The following EIF4G3 variants were observed in gnomAD, a reference collection of about 807,000 sequenced individuals.
EIF4G3 encodes the protein eukaryotic translation initiation factor 4 gamma 3.
EIF4G3 carries 34 observed loss-of-function variants against 186.4 expected under a neutral mutation model. The ratio of observed to expected loss-of-function variants is 0.18; its 90% CI spans 0.14 to 0.24. The LOEUF is 0.24. EIF4G3 is among the 10% of genes least tolerant of loss of function. EIF4G3 has a pLI of 1.00. For missense variants in EIF4G3, 1,536 were observed against 1,948.5 expected, an observed-to-expected ratio of 0.79 and a Z score of 3.99; for synonymous variants, 673 against 679.5, an observed-to-expected ratio of 0.99 and a Z score of 0.15.
chr1:21,039,220 G>A (rs2093418963), intron 4 of EIF4G3, among the ~76,000 whole-genome samples: 1 of 152,330 alleles, frequency 6.6e-6, no homozygotes, highest in East Asian at 1.9e-4. Context: ...AACCAATGGT[G>A]CTAGAAAAAC....
intron 14 of EIF4G3, among the ~76,000 whole-genome samples, chr1:20,918,910 C>T (rs2094210945): frequency 1.3e-5 from 2 of 151,992 alleles, no homozygotes; most frequent in Admixed American, 1.3e-4. Flanking sequence ...GTTACTCATA[C>T]TCCTCTCACA....
At chr1:20,882,676 C>T (rs975423055) in intron 19 of EIF4G3, among the ~76,000 whole-genome samples, 15 of 151,588 alleles carry the variant, frequency 9.9e-5, no homozygotes, top group African/African-American at 3.6e-4. Context: ...GTATAGTGGT[C>T]CATGCCTATA....
At chr1:20,897,179 C>G (rs760444019) in intron 16 of EIF4G3, among the ~76,000 whole-genome samples, 7 of 152,174 alleles carry the variant, frequency 4.6e-5, no homozygotes, top group Non-Finnish European at 8.8e-5. Context: ...TCTTTCATCC[C>G]TTCTAAATAC....
In EIF4G3 at chr1:21,003,811, T is replaced by C. The variant is rs12069296; in HGVS notation, c.-66-1003A>G. 1.7e-3 allele frequency: 679 copies of C among 399,370 alleles called. 4 individuals are homozygous for C. The highest frequency in any genetic ancestry group is 0.013 in the African/African-American group (634 of 47,182). 24.7% of individuals were successfully genotyped at this position (399,370 alleles called of 1,614,324 possible). ...TCAAATTTGCCAATGTAAATTGCCT[T>C]ATCATGCCTCATCATCATGGTTAGA... On this transcript the variant is annotated intron_variant, in intron 4 of 36. Transcript: ENST00000602326.
At chr1:20,813,584 A>G (rs1388752486) in intron 34 of EIF4G3, among the ~76,000 whole-genome samples, 1 of 149,858 alleles carries the variant, frequency 6.7e-6, no homozygotes, top group Non-Finnish European at 1.5e-5. Context: ...AACAAAAAAC[A>G]GGCCAGGTGC....
intron 20 of EIF4G3, among the ~76,000 whole-genome samples, chr1:20,876,850 G>GC (rs1459976959): frequency 2.6e-5 from 4 of 151,954 alleles, no homozygotes; most frequent in Non-Finnish European, 5.9e-5. Flanking sequence ...TAAAAAAATA[G>GC]CCAGGCCTGG....
chr1:21,023,817 G>A (rs1330499133), intron 4 of EIF4G3, among the ~76,000 whole-genome samples: 9 of 143,498 alleles, frequency 6.3e-5, no homozygotes, highest in African/African-American at 1.6e-4. Context: ...AGTGAGGAGC[G>A]CCTCTTCCCG....
rs549126903 is a variant in EIF4G3 at position 20,893,523 on chromosome 1, G to A, written c.2247C>T (p.Gly749=). Residue 749 remains glycine (G), a synonymous_variant, in exon 18 of 37, where the codon GGC becomes GGT. Coordinates refer to ENST00000602326, the MANE Select transcript of EIF4G3 (RefSeq NM_001391906.1). Reference sequence around the variant, plus strand: ...GTAGGGAACTTGCACTTACAGGTACGCCTCTTCCACCAGGTGTCTGCCTTC... The same window carrying A: ...GTAGGGAACTTGCACTTACAGGTACACCTCTTCCACCAGGTGTCTGCCTTC... ...DFGRQTPGGR[G]VPLLNVGSRR... 91 of 1,597,952 alleles carry A rather than the reference G, an allele frequency of 5.7e-5. No individual in the cohort carries two copies. Among genetic ancestry groups the A allele is most frequent in the South Asian group, 5.2e-4 (47 of 89,612 alleles).
At chr1:21,002,052 A>T (rs1185756092) in intron 5 of EIF4G3, among the ~76,000 whole-genome samples, 1 of 152,232 alleles carries the variant, frequency 6.6e-6, no homozygotes, top group Non-Finnish European at 1.5e-5. Context: ...CGATGTTCTA[A>T]GGAATGGAGA....
chr1:21,139,580 T>C (rs914184337), intron 2 of EIF4G3, among the ~76,000 whole-genome samples: 4 of 152,364 alleles, frequency 2.6e-5, no homozygotes, highest in Admixed American at 1.3e-4. Flanking sequence ...TAATATCCTT[T>C]ATATTATATG....
chr1:20,928,380 A>G (rs1162484483), intron 14 of EIF4G3, among the ~76,000 whole-genome samples: 2 of 152,076 alleles, frequency 1.3e-5, no homozygotes, highest in Non-Finnish European at 2.9e-5. Context: ...CCTTATATAG[A>G]TGCTGGTGGC....
chr1:20,968,137 C>T (rs1218942085), intron 12 of EIF4G3, among the ~76,000 whole-genome samples: 1 of 151,624 alleles, frequency 6.6e-6, no homozygotes, highest in Admixed American at 6.6e-5. Flanking sequence ...TATCATTTAT[C>T]AAAATGCAAA....
intron 2 of EIF4G3, chr1:21,168,185 C>T (rs2097891848): frequency 2.9e-6 from 1 of 347,448 alleles, no homozygotes; most frequent in African/African-American, 2.2e-5. Flanking sequence ...GGGCAGATCA[C>T]TTGAGGTCAG....
chr1:20,906,744 C>A (rs1432241412), intron 14 of EIF4G3, among the ~76,000 whole-genome samples: 6 of 151,802 alleles, frequency 4.0e-5, no homozygotes, highest in Non-Finnish European at 8.8e-5. Context: ...AACAATAATT[C>A]AGAAAAAGAG....
intron 4 of EIF4G3, among the ~76,000 whole-genome samples, chr1:21,027,786 T>C (rs2092324463): frequency 6.6e-6 from 1 of 152,214 alleles, no homozygotes. Flanking sequence ...CACTTCCAAG[T>C]ATCCACTCTA....
At chr1:20,867,364 T>G (rs2077795144) in intron 20 of EIF4G3, among the ~76,000 whole-genome samples, 1 of 152,210 alleles carries the variant, frequency 6.6e-6, no homozygotes, top group Non-Finnish European at 1.5e-5. Context: ...CCTCAGCCCC[T>G]ACACCTGCAG....
intron 2 of EIF4G3, chr1:21,111,342 C>T (rs771413705): frequency 1.3e-5 from 6 of 471,320 alleles, no homozygotes; most frequent in South Asian, 7.7e-5. Context: ...ATGATGTGAT[C>T]GCTCCAAACT....
chr1:21,087,854 C>T (rs1482155045), intron 3 of EIF4G3, among the ~76,000 whole-genome samples: 4 of 152,028 alleles, frequency 2.6e-5, no homozygotes, highest in South Asian at 2.1e-4. Context: ...AGGATGGTCT[C>T]GATCTCCTGA....
At chr1:20,995,636 T>C (rs1464756452) in intron 7 of EIF4G3, among the ~76,000 whole-genome samples, 1 of 152,170 alleles carries the variant, frequency 6.6e-6, no homozygotes. Flanking sequence ...CCTCCCAAAG[T>C]GTTGGGATTA....
Sources: allele counts gnomAD v4.1 joint callset (sites outside exome capture counted in the v4.1 genomes callset), GRCh38; gene constraint gnomAD v4.1.1; transcripts MANE v1.5; gene names NCBI Gene and HGNC (gene_info 2026-07-23, HGNC 2026-07-21).